CEP63: variants seen among roughly 807,000 people sequenced by gnomAD.
CEP63 encodes the protein centrosomal protein 63.
CEP63 carries 84 observed loss-of-function variants against 89.1 expected under a neutral mutation model. That is an observed-to-expected ratio of 0.94 (90% confidence interval 0.79 to 1.13). CEP63 has a LOEUF of 1.13. Among genes scored for constraint, CEP63 ranks in the 50% most tolerant of loss-of-function variants. CEP63 has a pLI of 0.00. For synonymous variants in CEP63, 267 were observed against 272.5 expected, an observed-to-expected ratio of 0.98 and a Z score of 0.20; for missense variants, 838 against 813.3, an observed-to-expected ratio of 1.03 and a Z score of -0.37.
chr3:134,738,959 G>T, the CEP63 span, among the ~76,000 whole-genome samples: 1 of 93,182 alleles, frequency 1.1e-5, no homozygotes, highest in African/African-American at 5.4e-5. Flanking sequence ...CTCTTGGATG[G>T]CTATAATAAA....
chr3:134,547,942 A>C (rs536201172), intron 9 of CEP63, among the ~76,000 whole-genome samples: 22 of 152,248 alleles, frequency 1.4e-4, no homozygotes, highest in African/African-American at 4.6e-4. Flanking sequence ...GACAGAAGCA[A>C]TTAAAGGAGA....
At chr3:134,772,986 G>A in the CEP63 span, among the ~76,000 whole-genome samples, 1 of 152,162 alleles carries the variant, frequency 6.6e-6, no homozygotes, top group Non-Finnish European at 1.5e-5. Context: ...TTCCTGGGAG[G>A]GGTTCTACAA....
chr3:134,749,705 C>CAAAAAAAAAAAAAAAAAAAAAAAA, the CEP63 span, among the ~76,000 whole-genome samples: 4 of 49,408 alleles, frequency 8.1e-5, 1 homozygote, highest in African/African-American at 1.3e-4. Flanking sequence ...AGGGGTTGTT[C>CAAAAAAAAAAAAAAAAAAAAAAAA]AAAAAAAAAA....
downstream of CEP63, among the ~76,000 whole-genome samples, chr3:134,566,049 A>G (rs189763676): frequency 6.6e-6 from 1 of 152,286 alleles, no homozygotes; most frequent in African/African-American, 2.4e-5. Flanking sequence ...TAGAGGGATG[A>G]TAGACTGCTT....
the CEP63 span, among the ~76,000 whole-genome samples, chr3:134,673,862 C>T: frequency 7.2e-5 from 11 of 152,162 alleles, no homozygotes; most frequent in Non-Finnish European, 1.0e-4. Context: ...GGTGAGCACC[C>T]GTATTTTTGC....
chr3:134,765,038 T>C, the CEP63 span, among the ~76,000 whole-genome samples: 2 of 152,308 alleles, frequency 1.3e-5, no homozygotes, highest in Non-Finnish European at 2.9e-5. Context: ...GAGGGTTTAT[T>C]AAAACCTGAT....
At chr3:134,673,221 C>T in the CEP63 span, among the ~76,000 whole-genome samples, 1 of 152,208 alleles carries the variant, frequency 6.6e-6, no homozygotes, top group African/African-American at 2.4e-5. Flanking sequence ...CCCCTGACCT[C>T]TGTTAACTCC....
At chr3:134,738,249 TACACACACACACACACACACACACAC>T in the CEP63 span, among the ~76,000 whole-genome samples, 1 of 145,596 alleles carries the variant, frequency 6.9e-6, no homozygotes, top group Non-Finnish European at 1.5e-5. Context: ...TATTCCATCA[TACACACACACACACACACACACACAC>T]ACACACACAC....
chr3:134,601,982 C>T, the CEP63 span, among the ~76,000 whole-genome samples: 146 of 2,536 alleles, frequency 0.058, no homozygotes, highest in African/African-American at 0.12. Context: ...GCATCTGGTA[C>T]TTCTGTGAGC....
chr3:134,647,052 T>TA, the CEP63 span, among the ~76,000 whole-genome samples: 1 of 152,194 alleles, frequency 6.6e-6, no homozygotes. Context: ...CTTCAAGTCA[T>TA]ACTGTCCCAA....
the CEP63 span, among the ~76,000 whole-genome samples, chr3:134,645,307 G>A: frequency 6.6e-6 from 1 of 152,188 alleles, no homozygotes; most frequent in Non-Finnish European, 1.5e-5. Context: ...CCCTGCCAGT[G>A]TTCCAGCCCA....
chr3:134,714,481 C>T, the CEP63 span, among the ~76,000 whole-genome samples: 3 of 152,196 alleles, frequency 2.0e-5, no homozygotes, highest in South Asian at 6.2e-4. Flanking sequence ...CCACAACCAA[C>T]AGCACAGGCC....
At chr3:134,703,387 A>G in the CEP63 span, among the ~76,000 whole-genome samples, 1 of 152,164 alleles carries the variant, frequency 6.6e-6, no homozygotes, top group Admixed American at 6.5e-5. Flanking sequence ...AGTGCCCATC[A>G]ATGATAGACT....
rs867592629 is a variant in CEP63 at position 134,564,557 on chromosome 3, C to A, written c.*3022C>A. 7 of 985,398 alleles carry A rather than the reference C, an allele frequency of 7.1e-6. No homozygotes were observed. The highest frequency in any genetic ancestry group is 1.7e-5 in the African/African-American group (1 of 57,348). The allele number at this position is 985,398 out of a possible 1,614,324, so 61.0% of individuals were successfully genotyped here. A position where few individuals can be genotyped will look rare whatever the true frequency, so the allele number is the denominator to read the frequency against. On this transcript the variant is annotated 3_prime_UTR_variant, in exon 15 of 15. Coordinates refer to ENST00000675561, the MANE Select transcript of CEP63 (RefSeq NM_001353108.3). ...GCATGCTGCCTAACACATAACAGAT[C>A]CTAAGCAAATATTGGGTGGATGAAA...
At chr3:134,726,629 C>T in the CEP63 span, among the ~76,000 whole-genome samples, 1 of 152,118 alleles carries the variant, frequency 6.6e-6, no homozygotes, top group African/African-American at 2.4e-5. Context: ...GAAGCTTGAT[C>T]TGAATGCAAG....
intron 11 of CEP63, among the ~76,000 whole-genome samples, chr3:134,571,379 G>A (rs1011927971): frequency 6.6e-6 from 1 of 152,128 alleles, no homozygotes; most frequent in African/African-American, 2.4e-5. Context: ...TAATGACTAA[G>A]TGCATAAAGT....
At chr3:134,706,252 G>T in the CEP63 span, among the ~76,000 whole-genome samples, 99 of 152,188 alleles carry the variant, frequency 6.5e-4, 6 homozygotes, top group Non-Finnish European at 1.5e-5. Flanking sequence ...GGAATTGAGG[G>T]TGTGGGAGTT....
chr3:134,692,053 C>G, the CEP63 span, among the ~76,000 whole-genome samples: 11,097 of 152,092 alleles, frequency 0.073, 727 homozygotes, highest in African/African-American at 0.18. Flanking sequence ...GTGTTTGGTG[C>G]CTTGATTTCC....
intron 1 of CEP63, among the ~76,000 whole-genome samples, chr3:134,492,070 CTTTTTTTTTTTT>C (rs74269453): frequency 9.6e-6 from 1 of 103,682 alleles, no homozygotes; most frequent in Non-Finnish European, 1.8e-5. Context: ...TATTTGTATT[CTTTTTTTTTTTT>C]TTTTTTTTTG....
Sources: allele counts gnomAD v4.1 joint callset (sites outside exome capture counted in the v4.1 genomes callset), GRCh38; gene constraint gnomAD v4.1.1; transcripts MANE v1.5; gene names NCBI Gene and HGNC (gene_info 2026-07-23, HGNC 2026-07-21).